Variants in NCKAP5 observed in about 807,000 individuals in gnomAD.
NCKAP5 encodes the protein NCK associated protein 5.
NCKAP5 carries 92 observed loss-of-function variants against 167.0 expected under a neutral mutation model. The ratio of observed to expected loss-of-function variants is 0.55; its 90% confidence interval spans 0.47 to 0.66. NCKAP5 has a LOEUF of 0.66. Ranked by LOEUF, NCKAP5 falls within the 30% of genes least tolerant of loss-of-function variation. The probability of loss-of-function intolerance (pLI) is 0.00; values close to 1 mark genes in which losing one functional copy is unlikely to be tolerated. For missense variants in NCKAP5, 2,378 were observed against 2,315.0 expected, an observed-to-expected ratio of 1.03 and a Z score of -0.56; for synonymous variants, 891 against 877.4, an observed-to-expected ratio of 1.02 and a Z score of -0.27.
At chr2:133,485,559 G>A (rs1283965161) in intron 3 of NCKAP5, among the ~76,000 whole-genome samples, 1 of 152,134 alleles carries the variant, frequency 6.6e-6, no homozygotes, top group Non-Finnish European at 1.5e-5. Flanking sequence ...ACTTGGCTAG[G>A]AACTAGTGAC....
the NCKAP5 span, among the ~76,000 whole-genome samples, chr2:133,592,453 C>T: frequency 6.6e-6 from 1 of 152,206 alleles, no homozygotes; most frequent in Admixed American, 6.5e-5. Flanking sequence ...TTCTGCATTT[C>T]CCCATTAAAA....
rs543906414 is a variant in NCKAP5 at position 133,252,401 on chromosome 2, G to T, written c.144-38622C>A. Among the ~76,000 whole-genome samples the T allele has an allele frequency of 4.8e-4, 73 of 152,212 alleles. 2 individuals are homozygous for T. In the South Asian group the frequency reaches 0.015, roughly 31 times the overall value. ...CTTGAACTTCCATTTTCACTACGGGGCTCTCTTTCTAGTCACAGCCAAGTA... is the reference window on the plus strand; with the variant it reads ...CTTGAACTTCCATTTTCACTACGGGTCTCTCTTTCTAGTCACAGCCAAGTA... On this transcript the variant is annotated intron_variant, in intron 4 of 19. Transcript: ENST00000409261.
chr2:133,214,544 T>A (rs897763308), intron 4 of NCKAP5, among the ~76,000 whole-genome samples: 3 of 152,194 alleles, frequency 2.0e-5, no homozygotes, highest in African/African-American at 7.2e-5. Context: ...CATTTTTAGA[T>A]CCCTTATAAT....
At chr2:133,410,486 A>G (rs571454127) in intron 3 of NCKAP5, among the ~76,000 whole-genome samples, 5 of 152,230 alleles carry the variant, frequency 3.3e-5, no homozygotes, top group East Asian at 1.9e-4. Context: ...GTTCTTAGGA[A>G]AATTAATTGT....
chr2:132,896,354 A>C (rs1330496819), intron 8 of NCKAP5, among the ~76,000 whole-genome samples: 2 of 152,184 alleles, frequency 1.3e-5, no homozygotes. Context: ...TTGCTTTGAA[A>C]ATCGTGGAAA....
At chr2:133,426,566 A>T (rs1201114898) in intron 3 of NCKAP5, among the ~76,000 whole-genome samples, 1 of 152,176 alleles carries the variant, frequency 6.6e-6, no homozygotes, top group African/African-American at 2.4e-5. Flanking sequence ...TCTGATGAAC[A>T]TGGATGTAAT....
intron 5 of NCKAP5, among the ~76,000 whole-genome samples, chr2:133,160,644 A>T (rs528531902): frequency 6.6e-6 from 1 of 152,176 alleles, no homozygotes; most frequent in Non-Finnish European, 1.5e-5. Context: ...AACTCTGACC[A>T]GCATCGAAAG....
intron 3 of NCKAP5, among the ~76,000 whole-genome samples, chr2:133,343,361 A>G (rs571021271): frequency 6.6e-6 from 1 of 152,266 alleles, no homozygotes; most frequent in Admixed American, 6.5e-5. Flanking sequence ...GAAACATGTT[A>G]GTAGCAAAAA....
chr2:133,192,617 T>A (rs933943273), intron 5 of NCKAP5, among the ~76,000 whole-genome samples: 2 of 152,036 alleles, frequency 1.3e-5, no homozygotes, highest in African/African-American at 4.8e-5. Flanking sequence ...TTTCAAAGAT[T>A]ATACACAAAT....
intron 6 of NCKAP5, among the ~76,000 whole-genome samples, chr2:133,076,366 G>T (rs1253896242): frequency 6.6e-6 from 1 of 152,094 alleles, no homozygotes; most frequent in African/African-American, 2.4e-5. Flanking sequence ...TTTGTGGAAG[G>T]TCCTGGAACC....
chr2:133,071,338 G>A (rs1203620531), intron 6 of NCKAP5, among the ~76,000 whole-genome samples: 2 of 151,968 alleles, frequency 1.3e-5, no homozygotes, highest in African/African-American at 2.4e-5. Context: ...CCAGCTACTT[G>A]GGAGGCTGAG....
At chr2:132,981,176 T>C (rs1352867279) in intron 7 of NCKAP5, among the ~76,000 whole-genome samples, 2 of 152,234 alleles carry the variant, frequency 1.3e-5, no homozygotes, top group Non-Finnish European at 2.9e-5. Context: ...TACAAAACAA[T>C]GGAATCATCA....
intron 3 of NCKAP5, among the ~76,000 whole-genome samples, chr2:133,456,843 T>G (rs1254119622): frequency 1.3e-5 from 2 of 152,212 alleles, no homozygotes; most frequent in Non-Finnish European, 2.9e-5. Context: ...GTCTAAGTAG[T>G]GTCAAACCCA....
intron 3 of NCKAP5, among the ~76,000 whole-genome samples, chr2:133,448,625 C>T (rs1691357892): frequency 6.6e-6 from 1 of 152,146 alleles, no homozygotes; most frequent in Non-Finnish European, 1.5e-5. Context: ...AGTCTACTGA[C>T]AAAAGAGGAA....
chr2:132,911,450 T>C (rs1269512542), intron 8 of NCKAP5, among the ~76,000 whole-genome samples: 1 of 152,224 alleles, frequency 6.6e-6, no homozygotes, highest in Non-Finnish European at 1.5e-5. Context: ...TATTTTATGA[T>C]ACTATTCTTT....
At chr2:132,934,398 C>G (rs748750727) in intron 8 of NCKAP5, among the ~76,000 whole-genome samples, 1 of 152,114 alleles carries the variant, frequency 6.6e-6, no homozygotes, top group East Asian at 1.9e-4. Flanking sequence ...CAGGGTGAAA[C>G]CCCATCTCTA....
chr2:132,947,242 G>A (rs1219139083), intron 8 of NCKAP5, among the ~76,000 whole-genome samples: 1 of 152,004 alleles, frequency 6.6e-6, no homozygotes, highest in Non-Finnish European at 1.5e-5. Flanking sequence ...TTTATTTTGG[G>A]TACTAAAAAA....
intron 5 of NCKAP5, among the ~76,000 whole-genome samples, chr2:133,185,892 A>T (rs1280320652): frequency 6.6e-6 from 1 of 152,136 alleles, no homozygotes; most frequent in Admixed American, 6.6e-5. Flanking sequence ...GTATAGAACC[A>T]TATCGTCAGT....
At chr2:132,719,301 A>G (rs1344712308) in intron 19 of NCKAP5, among the ~76,000 whole-genome samples, 1 of 152,274 alleles carries the variant, frequency 6.6e-6, no homozygotes, top group Admixed American at 6.5e-5. Context: ...TGTGTCATTT[A>G]AAATATTTTA....
Sources: allele counts gnomAD v4.1 joint callset (sites outside exome capture counted in the v4.1 genomes callset), GRCh38; gene constraint gnomAD v4.1.1; transcripts MANE v1.5; gene names NCBI Gene and HGNC (gene_info 2026-07-23, HGNC 2026-07-21).